Variants in CCDC152 observed in about 807,000 individuals in gnomAD.
The protein encoded by CCDC152 is coiled-coil domain-containing protein 152.
CCDC152 carries 37 observed loss-of-function variants against 38.1 expected under a neutral mutation model. The ratio of observed to expected loss-of-function variants is 0.97; its 90% CI spans 0.75 to 1.28. The LOEUF is 1.28. Among genes scored for constraint, CCDC152 ranks in the 50% most tolerant of loss-of-function variants. CCDC152 has a pLI of 0.00. For synonymous variants in CCDC152, 83 were observed against 87.1 expected (o/e 0.95, Z 0.26); for missense variants, 259 against 292.1 (o/e 0.89, Z 0.83).
At chr5:42,758,355 C>G (rs75455481) in intron 1 of CCDC152, among the ~76,000 whole-genome samples, 2,715 of 152,240 alleles carry the variant, frequency 0.018, 88 homozygotes, top group African/African-American at 0.063. Context: ...GACTAGTTAC[C>G]GCTTTCACAC....
intron 5 of CCDC152, 126 bp from the exon 6 acceptor site, chr5:42,783,348 A>G (rs1287578157): frequency 1.0e-5 from 3 of 295,594 alleles, no homozygotes; most frequent in Non-Finnish European, 1.7e-5. Context: ...TTAAAAAAGT[A>G]ACATAAATGG....
intron 6 of CCDC152, among the ~76,000 whole-genome samples, chr5:42,784,559 G>C (rs1229355015): frequency 6.6e-6 from 1 of 152,006 alleles, no homozygotes; most frequent in Non-Finnish European, 1.5e-5. Flanking sequence ...TCTGTAGGTT[G>C]TCTGTTTATG....
chr5:42,795,045 G>C (rs1369080410), intron 6 of CCDC152, among the ~76,000 whole-genome samples: 1 of 152,108 alleles, frequency 6.6e-6, no homozygotes, highest in African/African-American at 2.4e-5. Flanking sequence ...TAAGCTAGTT[G>C]ATTTAAACCC....
chr5:42,766,332 C>A (rs1236122838), intron 3 of CCDC152, among the ~76,000 whole-genome samples: 1 of 152,046 alleles, frequency 6.6e-6, no homozygotes, highest in African/African-American at 2.4e-5. Flanking sequence ...GAAATTAGTA[C>A]AATCACTATG....
Position 42,769,930 on chromosome 5 carries a change from CTATT to C in CCDC152, c.262+270_262+273del, listed in dbSNP as rs1486812775. 5.9e-5 allele frequency among the ~76,000 whole-genome samples: 9 copies of C among 152,312 alleles called. No homozygotes were observed. In the East Asian group the frequency reaches 1.5e-3, roughly 26 times the overall value. On this transcript the variant is annotated intron_variant, in intron 4 of 8. Coordinates refer to ENST00000361970, the MANE Select transcript of CCDC152 (RefSeq NM_001134848.2). Reference sequence around the variant, plus strand: ...TTATTACCTTCAAAAATTTAGAACTCTATTTATTCTCAGTAGCATTCTTGGTCTT... The same window carrying C: ...TTATTACCTTCAAAAATTTAGAACTCTATTCTCAGTAGCATTCTTGGTCTT...
At chr5:42,798,429 T>C (rs1760109012) in intron 7 of CCDC152, among the ~76,000 whole-genome samples, 2 of 152,176 alleles carry the variant, frequency 1.3e-5, no homozygotes, top group Admixed American at 6.5e-5. Context: ...AGGACTGATG[T>C]TGACTTTAGA....
intron 6 of CCDC152, among the ~76,000 whole-genome samples, chr5:42,792,151 A>G (rs1485006911): frequency 2.0e-5 from 3 of 152,156 alleles, no homozygotes; most frequent in Admixed American, 6.5e-5. Flanking sequence ...ACATGTTTCC[A>G]TTCTATTTTT....
At chr5:42,765,043 A>C (rs1216340852) in intron 3 of CCDC152, among the ~76,000 whole-genome samples, 1 of 152,252 alleles carries the variant, frequency 6.6e-6, no homozygotes, top group Non-Finnish European at 1.5e-5. Flanking sequence ...TCAACAAGAA[A>C]ACTATTAGAA....
At chr5:42,779,917 G>A (rs1043690350) in intron 5 of CCDC152, among the ~76,000 whole-genome samples, 2 of 151,858 alleles carry the variant, frequency 1.3e-5, no homozygotes, top group Non-Finnish European at 2.9e-5. Flanking sequence ...TATGATTTGG[G>A]TAATCATTAC....
Position 42,764,616 on chromosome 5 carries a change from C to T in CCDC152, c.193+2068C>T, listed in dbSNP as rs532156950. Among the ~76,000 whole-genome samples the T allele has an allele frequency of 2.0e-5, 3 of 152,272 alleles. 1 individual carries two copies. The highest frequency in any genetic ancestry group is 7.2e-5 in the African/African-American group (3 of 41,548). On this transcript the variant is annotated intron_variant, in intron 3 of 8. Transcript: ENST00000361970. ...TCATCCCTTGGATGCAAGGATGCTT[C>T]AACATATGCAAATCAACCAATGTGT...
At chr5:42,790,195 G>A (rs564794402) in intron 6 of CCDC152, among the ~76,000 whole-genome samples, 67 of 152,280 alleles carry the variant, frequency 4.4e-4, no homozygotes, top group African/African-American at 1.6e-3. Context: ...GAAGGGCCAG[G>A]CACGGTGGCT....
At chr5:42,775,706 A>G (rs994958293) in intron 4 of CCDC152, among the ~76,000 whole-genome samples, 10 of 152,136 alleles carry the variant, frequency 6.6e-5, no homozygotes, top group African/African-American at 2.4e-4. Flanking sequence ...GTAACAATTT[A>G]TTCAAAATTA....
chr5:42,768,567 G>A (rs1465620886), intron 3 of CCDC152, among the ~76,000 whole-genome samples: 2 of 152,184 alleles, frequency 1.3e-5, no homozygotes, highest in African/African-American at 4.8e-5. Flanking sequence ...TATGTCAGCA[G>A]CCATTGGCAG....
intron 6 of CCDC152, among the ~76,000 whole-genome samples, chr5:42,791,921 C>A (rs1285782718): frequency 6.6e-6 from 1 of 152,200 alleles, no homozygotes; most frequent in Non-Finnish European, 1.5e-5. Context: ...TAGATATAAT[C>A]ACTTTTCTCC....
rs185615840 is a variant in CCDC152, at chr5:42,758,597, A to T, written c.-2-523A>T. On this transcript the variant is annotated intron_variant, in intron 1 of 8. Coordinates refer to ENST00000361970, the MANE Select transcript of CCDC152 (RefSeq NM_001134848.2). ...AAGTTCTTATGATTGATTTCATAGG[A>T]CTAAAACTGAAACTCTTATTCTTCA... Among the ~76,000 whole-genome samples the T allele has an allele frequency of 9.2e-5, 14 of 152,320 alleles. No homozygotes were observed. In the East Asian group the frequency reaches 2.3e-3, roughly 25 times the overall value.
chr5:42,757,487 G>T (rs1042285417), intron 1 of CCDC152, among the ~76,000 whole-genome samples: 1 of 152,200 alleles, frequency 6.6e-6, no homozygotes, highest in Non-Finnish European at 1.5e-5. Context: ...ACTTTCACTT[G>T]CCTGTGGGGA....
In CCDC152 at chr5:42,800,619, T is replaced by C. The variant is rs1303878559; in HGVS notation, c.*838T>C. The C allele has an allele frequency of 9.0e-5, 123 of 1,366,524 alleles. No individual in the cohort carries two copies. Among genetic ancestry groups the C allele is most frequent in the Non-Finnish European group, 4.0e-6 (4 of 1,009,452 alleles). The allele number at this position is 1,366,524 out of a possible 1,614,324, so 84.6% of individuals were successfully genotyped here. A position where few individuals can be genotyped will look rare whatever the true frequency, so the allele number is the denominator to read the frequency against. On this transcript the variant is annotated 3_prime_UTR_variant, in exon 9 of 9. Coordinates refer to ENST00000361970, the MANE Select transcript of CCDC152 (RefSeq NM_001134848.2). ...GTAGATTTCTCCATGTTTGCACAAA[T>C]CTAATTTCTATTTTTGGTTCACTAA... is the stretch of plus-strand genomic sequence containing the variant.
rs372376452 is a variant in CCDC152, at chr5:42,775,885, T to C, written c.263-3573T>C. 1.1e-3 allele frequency among the ~76,000 whole-genome samples: 163 copies of C among 148,896 alleles called. 1 individual carries two copies. Among genetic ancestry groups the C allele is most frequent in the African/African-American group, 3.8e-3 (152 of 40,446 alleles). The stretch of plus-strand genomic sequence containing the variant: ...AAAGTGGACCTGAATTCATTGTAAA[T>C]GTATATTGCAAATTCTAGGACAATC... On this transcript the variant is annotated intron_variant, in intron 4 of 8. Coordinates refer to ENST00000361970, the MANE Select transcript of CCDC152 (RefSeq NM_001134848.2).
chr5:42,788,914 G>A (rs1759961565), intron 6 of CCDC152, among the ~76,000 whole-genome samples: 1 of 152,146 alleles, frequency 6.6e-6, no homozygotes, highest in African/African-American at 2.4e-5. Flanking sequence ...TATTTGCAGG[G>A]GATTTGGTGG....
Sources: gnomAD v4.1 joint callset for allele counts (sites outside exome capture counted in the v4.1 genomes callset) on GRCh38, gnomAD v4.1.1 for gene constraint, MANE v1.5 for transcripts, NCBI Gene and HGNC (gene_info 2026-07-23, HGNC 2026-07-21) for gene names.